Variants in USH2A observed in about 807,000 individuals in gnomAD.
USH2A encodes the protein usherin, also known as Usher syndrome 2A (autosomal recessive, mild).
Under a neutral mutation model 538.9 loss-of-function variants are expected in USH2A, and 443 were observed. The ratio of observed to expected loss-of-function variants is 0.82; its 90% CI spans 0.76 to 0.89. The LOEUF (loss-of-function observed/expected upper bound fraction) is 0.89. USH2A is among the 40% of genes least tolerant of loss of function. The pLI, the probability that USH2A is intolerant of heterozygous loss-of-function variation, is 0.00. For synonymous variants in USH2A, 2,413 were observed against 2,273.5 expected, an observed-to-expected ratio of 1.06 and a Z score of -1.75; for missense variants, 6,633 against 6,324.8, an observed-to-expected ratio of 1.05 and a Z score of -1.65.
At chr1:216,326,997 G>T (rs955612829) in intron 5 of USH2A, among the ~76,000 whole-genome samples, 3 of 152,048 alleles carry the variant, frequency 2.0e-5, no homozygotes, top group African/African-American at 7.2e-5. Context: ...CTTTTAAGAA[G>T]CCCTAAGAAA....
At chr1:215,997,083 T>C (rs1668159727) in intron 34 of USH2A, among the ~76,000 whole-genome samples, 1 of 152,194 alleles carries the variant, frequency 6.6e-6, no homozygotes, top group South Asian at 2.1e-4. Flanking sequence ...ATTGAAACTG[T>C]GAAATATACA....
At chr1:216,042,587 A>G (rs1192786079) in intron 32 of USH2A, among the ~76,000 whole-genome samples, 3 of 152,038 alleles carry the variant, frequency 2.0e-5, no homozygotes, top group Non-Finnish European at 4.4e-5. Flanking sequence ...GTAAGTACCA[A>G]TAGCATTGTA....
chr1:215,914,483 C>A (rs545504146), intron 38 of USH2A, among the ~76,000 whole-genome samples: 12 of 152,148 alleles, frequency 7.9e-5, no homozygotes, highest in Admixed American at 7.9e-4. Flanking sequence ...AAGGAATATG[C>A]AATTTTGTAC....
In USH2A at chr1:216,196,655, C is replaced by T. The variant is rs760756070; in HGVS notation, c.4149G>A (p.Glu1383=). ...CTCTTGTAACATTATCTGCTGGCTT[C>T]TCCCAGGAGATATTGAGAGAGTACG... is the stretch of plus-strand genomic sequence containing the variant. ...LSSYSLNISW[E]KPADNVTRGK... is the part of the protein sequence containing the mutation. The change falls in exon 19 of 72, where the codon GAG becomes GAA. Residue 1383 remains glutamate (E), a synonymous_variant. Transcript: ENST00000307340. 6.2e-7 allele frequency: 1 copy of T among 1,613,514 alleles called. No individual in the cohort carries two copies. The highest frequency in any genetic ancestry group is 8.5e-7 in the Non-Finnish European group (1 of 1,179,682).
At chr1:216,079,698 C>T (rs1330418521) in intron 26 of USH2A, among the ~76,000 whole-genome samples, 6 of 152,070 alleles carry the variant, frequency 3.9e-5, no homozygotes, top group African/African-American at 1.4e-4. Flanking sequence ...TTACCTTGCA[C>T]TAAAAGCTTA....
intron 55 of USH2A, among the ~76,000 whole-genome samples, chr1:215,769,703 T>C (rs1276147076): frequency 1.3e-5 from 2 of 152,174 alleles, no homozygotes; most frequent in African/African-American, 2.4e-5. Context: ...CTCTTGAAGC[T>C]ACTGGGGTAC....
At chr1:215,752,131 G>A (rs2102735437) in intron 58 of USH2A, among the ~76,000 whole-genome samples, 1 of 152,202 alleles carries the variant, frequency 6.6e-6, no homozygotes, top group Non-Finnish European at 1.5e-5. Flanking sequence ...TTAAGATTAA[G>A]TTAATGTAGA....
At chr1:215,875,063 G>A (rs998375031) in intron 43 of USH2A, among the ~76,000 whole-genome samples, 19 of 152,316 alleles carry the variant, frequency 1.2e-4, no homozygotes, top group Admixed American at 1.2e-3. Context: ...ATGTTGCCAA[G>A]GTGGCCAGTG....
At chr1:216,189,769 C>A (rs1290878079) in intron 20 of USH2A, among the ~76,000 whole-genome samples, 1 of 151,946 alleles carries the variant, frequency 6.6e-6, no homozygotes, top group African/African-American at 2.4e-5. Context: ...GCCAAGCCTA[C>A]AAAAAATGTC....
Position 215,728,109 on chromosome 1 carries a change from G to A in USH2A, c.11987C>T (p.Ser3996Phe), listed in dbSNP as rs772463134. Reference protein sequence around the residue: ...TKPESPNGIISHYRVVYQERP... With the variant: ...TKPESPNGIIFHYRVVYQERP... Reference sequence around the variant, plus strand: ...CTCCTGGTAGACCACACGGTAATGGGAGATAATGCCATTGGGAGATTCTGG... The same window carrying A: ...CTCCTGGTAGACCACACGGTAATGGAAGATAATGCCATTGGGAGATTCTGG... Residue 3996 changes from serine to phenylalanine, a missense_variant, in exon 61 of 72, where the codon TCC becomes TTC. Physicochemically the swap from Ser to Phe is radical, Grantham distance 155. Transcript: ENST00000307340. 8 of 1,614,186 alleles carry A rather than the reference G, an allele frequency of 5.0e-6. No homozygotes were observed. The highest frequency in any genetic ancestry group is 6.8e-6 in the Non-Finnish European group (8 of 1,180,034).
chr1:216,359,704 C>G (rs2038454210), intron 4 of USH2A, among the ~76,000 whole-genome samples: 1 of 151,872 alleles, frequency 6.6e-6, no homozygotes, highest in Non-Finnish European at 1.5e-5. Context: ...TACAAACATT[C>G]AAAAAGAGTT....
intron 9 of USH2A, among the ~76,000 whole-genome samples, chr1:216,293,924 A>C (rs898006317): frequency 4.6e-5 from 7 of 152,206 alleles, no homozygotes; most frequent in Non-Finnish European, 1.0e-4. Flanking sequence ...AGTAATATTC[A>C]ATGTTACCCA....
intron 64 of USH2A, among the ~76,000 whole-genome samples, chr1:215,654,891 T>C (rs1657192637): frequency 6.6e-6 from 1 of 152,254 alleles, no homozygotes; most frequent in African/African-American, 2.4e-5. Context: ...GGACTAATTA[T>C]TGTATTTTGC....
chr1:215,969,405 A>G (rs1667436467), intron 36 of USH2A, among the ~76,000 whole-genome samples: 1 of 152,176 alleles, frequency 6.6e-6, no homozygotes, highest in Non-Finnish European at 1.5e-5. Context: ...CAGGTTGATA[A>G]TGCAGGTCCC....
At chr1:215,809,127 G>T (rs1662585302) in intron 49 of USH2A, among the ~76,000 whole-genome samples, 3 of 152,130 alleles carry the variant, frequency 2.0e-5, no homozygotes, top group Non-Finnish European at 2.9e-5. Context: ...TACTGTATTT[G>T]TTATCTTCCC....
At chr1:216,210,055 GC>G (rs2102485216) in intron 15 of USH2A, among the ~76,000 whole-genome samples, 1 of 152,224 alleles carries the variant, frequency 6.6e-6, no homozygotes, top group South Asian at 2.1e-4. Flanking sequence ...AAGGAGTCCT[GC>G]CCCATGCCCT....
intron 40 of USH2A, among the ~76,000 whole-genome samples, chr1:215,891,161 C>G (rs2102462455): frequency 6.6e-6 from 1 of 152,230 alleles, no homozygotes; most frequent in African/African-American, 2.4e-5. Context: ...CTTCAAACCC[C>G]CACAATACAC....
chr1:216,181,659 A>G (rs1572026135), intron 20 of USH2A, among the ~76,000 whole-genome samples: 1 of 152,106 alleles, frequency 6.6e-6, no homozygotes. Flanking sequence ...GATGACAGCA[A>G]CCACCATTCC....
intron 21 of USH2A, among the ~76,000 whole-genome samples, chr1:216,108,879 T>A (rs916336814): frequency 6.6e-6 from 1 of 152,162 alleles, no homozygotes; most frequent in Non-Finnish European, 1.5e-5. Context: ...TAATTTTTTT[T>A]AAATGTTTAC....
Sources: gnomAD v4.1 joint callset for allele counts (sites outside exome capture counted in the v4.1 genomes callset) on GRCh38, gnomAD v4.1.1 for gene constraint, MANE v1.5 for transcripts, NCBI Gene and HGNC (gene_info 2026-07-23, HGNC 2026-07-21) for gene names.